Variants in RB1 observed in about 807,000 individuals in gnomAD.
RB1 encodes RB transcriptional corepressor 1, also known as retinoblastoma-associated protein.
In RB1, 18 loss-of-function variants were observed where a neutral mutation model predicts 135.4. The ratio of observed to expected loss-of-function variants is 0.13; its 90% CI spans 0.09 to 0.20. The LOEUF is 0.20. Ranked by LOEUF, RB1 falls within the 10% of genes least tolerant of loss-of-function variation. RB1 has a pLI of 1.00. For synonymous variants in RB1, 365 were observed against 373.2 expected, an observed-to-expected ratio of 0.98 and a Z score of 0.25; for missense variants, 868 against 1,110.0, an observed-to-expected ratio of 0.78 and a Z score of 3.10.
At chr13:48,394,771 A>T (rs1343718476) in intron 17 of RB1, among the ~76,000 whole-genome samples, 1 of 152,234 alleles carries the variant, frequency 6.6e-6, no homozygotes, top group Non-Finnish European at 1.5e-5. Flanking sequence ...TAAAACTCCC[A>T]TCTACCTGGG....
chr13:48,320,392 G>A, intron 2 of RB1: 1 of 1,182,674 alleles, frequency 8.5e-7, no homozygotes, highest in Non-Finnish European at 1.2e-6. Context: ...GAAGCACCCG[G>A]GGAACCTAAA....
chr13:48,334,271 T>C (rs1288388614), intron 2 of RB1, among the ~76,000 whole-genome samples: 1 of 152,214 alleles, frequency 6.6e-6, no homozygotes, highest in African/African-American at 2.4e-5. Context: ...TTGCCACTCT[T>C]GCCTTTTACT....
chr13:48,343,550 T>A (rs1359279682), intron 3 of RB1, among the ~76,000 whole-genome samples: 1 of 152,058 alleles, frequency 6.6e-6, no homozygotes, highest in Non-Finnish European at 1.5e-5. Flanking sequence ...GTTCATAGAG[T>A]CAATACCTGC....
chr13:48,337,379 T>A (rs1389525729), intron 2 of RB1, among the ~76,000 whole-genome samples: 1 of 152,214 alleles, frequency 6.6e-6, no homozygotes, highest in Admixed American at 6.5e-5. Context: ...TGGGTGCATA[T>A]ATATTTAGGA....
intron 17 of RB1, among the ~76,000 whole-genome samples, chr13:48,430,184 T>C (rs1223586542): frequency 6.6e-6 from 1 of 152,332 alleles, no homozygotes; most frequent in East Asian, 1.9e-4. Flanking sequence ...ATTTCTTTAG[T>C]TATAAGGAGT....
chr13:48,375,576 T>TTATA (rs755028128), intron 12 of RB1, among the ~76,000 whole-genome samples: 1 of 149,886 alleles, frequency 6.7e-6, no homozygotes, highest in East Asian at 1.9e-4. Context: ...TTATTTTTAT[T>TTATA]TATATATATA....
intron 17 of RB1, among the ~76,000 whole-genome samples, chr13:48,387,037 C>T (rs1948576470): frequency 6.6e-6 from 1 of 152,108 alleles, no homozygotes; most frequent in African/African-American, 2.4e-5. Context: ...AAACAGTAAC[C>T]ATAATTATCT....
At chr13:48,396,272 C>T (rs1196515102) in intron 17 of RB1, among the ~76,000 whole-genome samples, 1 of 152,138 alleles carries the variant, frequency 6.6e-6, no homozygotes, top group Non-Finnish European at 1.5e-5. Context: ...ATAATCAAAA[C>T]AGCATGGTAC....
In RB1 at chr13:48,434,702, C is replaced by T. The variant is rs140291559; in HGVS notation, c.1696-18291C>T. On this transcript the variant is annotated intron_variant, in intron 17 of 26. Coordinates refer to ENST00000267163, the MANE Select transcript of RB1 (RefSeq NM_000321.3). The stretch of plus-strand genomic sequence containing the variant: ...GTGTAGGTCCATGTATCCACCACCA[C>T]AAGCAATTGCACCCATATCCCTCCA... Among the ~76,000 whole-genome samples the T allele has an allele frequency of 9.2e-5, 14 of 152,296 alleles. No individual in the cohort carries two copies. In the East Asian group the frequency reaches 2.7e-3, roughly 29 times the overall value.
intron 2 of RB1, among the ~76,000 whole-genome samples, chr13:48,322,390 A>G (rs1410606255): frequency 6.6e-6 from 1 of 152,186 alleles, no homozygotes; most frequent in Non-Finnish European, 1.5e-5. Context: ...TACTCTGAAA[A>G]CTTGGTGAAC....
At chr13:48,431,140 A>G (rs1949125627) in intron 17 of RB1, among the ~76,000 whole-genome samples, 1 of 38,372 alleles carries the variant, frequency 2.6e-5, no homozygotes, top group African/African-American at 3.3e-5. Context: ...AGAACAAACT[A>G]ACAAAAAATA....
chr13:48,347,550 C>G (rs1392037361), intron 4 of RB1, among the ~76,000 whole-genome samples: 1 of 151,964 alleles, frequency 6.6e-6, no homozygotes, highest in Non-Finnish European at 1.5e-5. Context: ...AAAGAGTAAA[C>G]TTTACTAACC....
intron 6 of RB1, among the ~76,000 whole-genome samples, chr13:48,353,951 A>G (rs1952570121): frequency 6.6e-6 from 1 of 152,164 alleles, no homozygotes. Flanking sequence ...ACGTAATAAA[A>G]GCCATATATA....
At chr13:48,330,904 A>G (rs964137296) in intron 2 of RB1, among the ~76,000 whole-genome samples, 4 of 152,194 alleles carry the variant, frequency 2.6e-5, no homozygotes, top group African/African-American at 9.7e-5. Context: ...ATTGTCAACA[A>G]AATATTAGCA....
intron 23 of RB1, 129 bp downstream of exon 23, chr13:48,465,497 GT>G (rs1949434969): frequency 9.6e-7 from 1 of 1,044,496 alleles, no homozygotes; most frequent in African/African-American, 1.6e-5. Flanking sequence ...GCTTATTTAA[GT>G]AACATAATAA....
chr13:48,360,389 G>T, intron 7 of RB1: 1 of 496,510 alleles, frequency 2.0e-6, no homozygotes, highest in Admixed American at 4.0e-5. Flanking sequence ...AGCTGTGGAA[G>T]ACCAAAGAAT....
At chr13:48,384,228 G>A (rs1452493773) in intron 17 of RB1, among the ~76,000 whole-genome samples, 3 of 152,134 alleles carry the variant, frequency 2.0e-5, no homozygotes, top group African/African-American at 7.2e-5. Flanking sequence ...TAGTATCTCT[G>A]GCAGATGAAA....
In RB1 at chr13:48,433,216, AT is replaced by A. The variant is rs929602854; in HGVS notation, c.1696-19768del. Among the ~76,000 whole-genome samples the A allele has an allele frequency of 1.7e-4, 26 of 151,320 alleles. 1 individual carries two copies. The highest frequency in any genetic ancestry group is 5.8e-4 in the African/African-American group (24 of 41,196). ...TAGAAATAGATTCTTTTAGACGTTA[AT>A]TTTTTTTTCAAAAAGATACATATGT... is the stretch of plus-strand genomic sequence containing the variant. On this transcript the variant is annotated intron_variant, in intron 17 of 26. Coordinates refer to ENST00000267163, the MANE Select transcript of RB1 (RefSeq NM_000321.3).
At position 48,319,007 on chromosome 13, in the gene RB1, G is replaced by A; in HGVS notation, c.264+11601G>A. The stretch of plus-strand genomic sequence containing the variant: ...GCTGCCTTACATGGGGGCCGGCAGG[G>A]TAGTCTTGGAAATGCCCAAGATTGC... On this transcript the variant is annotated intron_variant, in intron 2 of 26. Transcript: ENST00000267163. This position sits in a 1 kb window ranked among gnomAD's most constrained non-coding sequence, Gnocchi z 5.0. 2.8e-6 allele frequency: 2 copies of A among 713,646 alleles called. No homozygotes were observed. The highest frequency in any genetic ancestry group is 5.1e-6 in the Non-Finnish European group (2 of 393,158). The allele number at this position is 713,646 out of a possible 1,614,324, so 44.2% of individuals were successfully genotyped here. A position where few individuals can be genotyped will look rare whatever the true frequency, so the allele number is the denominator to read the frequency against.
Sources: allele counts gnomAD v4.1 joint callset (sites outside exome capture counted in the v4.1 genomes callset), GRCh38; gene constraint gnomAD v4.1.1; non-coding constraint Gnocchi (gnomAD v3.1); transcripts MANE v1.5; gene names NCBI Gene and HGNC (gene_info 2026-07-23, HGNC 2026-07-21).